The following AGBL4 variants were observed in gnomAD, a reference collection of about 807,000 sequenced individuals.
The protein encoded by AGBL4 is AGBL carboxypeptidase 4.
AGBL4 carries 58 observed loss-of-function variants against 66.4 expected under a neutral mutation model. The ratio of observed to expected loss-of-function variants is 0.87; its 90% CI spans 0.71 to 1.09. The LOEUF (loss-of-function observed/expected upper bound fraction) is 1.09. Among genes scored for constraint, AGBL4 ranks in the 50% least tolerant of loss-of-function variants. The probability of loss-of-function intolerance (pLI) is 0.00; values close to 1 mark genes in which losing one functional copy is unlikely to be tolerated. For missense variants in AGBL4, 579 were observed against 631.0 expected (o/e 0.92, Z 0.88); for synonymous variants, 234 against 222.9 (o/e 1.05, Z -0.44).
At chr1:48,739,716 G>A (rs1448918628) in intron 6 of AGBL4, among the ~76,000 whole-genome samples, 1 of 152,210 alleles carries the variant, frequency 6.6e-6, no homozygotes, top group Non-Finnish European at 1.5e-5. Context: ...TGTGTAAAGT[G>A]TCAGGAGGAC....
chr1:49,488,947 T>C (rs184025486), intron 3 of AGBL4, among the ~76,000 whole-genome samples: 22 of 152,108 alleles, frequency 1.4e-4, no homozygotes, highest in Admixed American at 1.2e-3. Flanking sequence ...GATGGATGCA[T>C]ATGTTGCTTC....
At chr1:49,808,118 A>G (rs1010694957) in intron 2 of AGBL4, among the ~76,000 whole-genome samples, 2 of 152,208 alleles carry the variant, frequency 1.3e-5, no homozygotes, top group Admixed American at 1.3e-4. Flanking sequence ...ACCCTCAGAT[A>G]AGAACAGAAA....
chr1:49,533,251 C>T (rs1420753289), intron 3 of AGBL4, among the ~76,000 whole-genome samples: 2 of 152,124 alleles, frequency 1.3e-5, no homozygotes. Flanking sequence ...AATCTGGGTC[C>T]TGGACTTCCA....
At chr1:49,744,654 A>G (rs1254987180) in intron 2 of AGBL4, among the ~76,000 whole-genome samples, 3 of 152,140 alleles carry the variant, frequency 2.0e-5, no homozygotes, top group African/African-American at 4.8e-5. Flanking sequence ...ATATGAAAAA[A>G]GTATAAACCT....
chr1:49,354,816 T>C (rs1390124073), intron 3 of AGBL4, among the ~76,000 whole-genome samples: 1 of 152,190 alleles, frequency 6.6e-6, no homozygotes, highest in Non-Finnish European at 1.5e-5. Context: ...AAATATGAAC[T>C]ATACAAGCAT....
chr1:48,938,539 G>A (rs946006227), intron 5 of AGBL4, among the ~76,000 whole-genome samples: 1 of 152,192 alleles, frequency 6.6e-6, no homozygotes, highest in Non-Finnish European at 1.5e-5. Flanking sequence ...AGTCAGCAAA[G>A]AGAAGAGATA....
chr1:49,663,675 AGC>A (rs778239492), intron 3 of AGBL4, among the ~76,000 whole-genome samples: 6 of 152,144 alleles, frequency 3.9e-5, no homozygotes, highest in Non-Finnish European at 5.9e-5. Flanking sequence ...ATAAATGAGA[AGC>A]CACTACAATA....
chr1:48,732,970 G>A (rs1466424983), intron 6 of AGBL4, among the ~76,000 whole-genome samples: 2 of 152,222 alleles, frequency 1.3e-5, no homozygotes, highest in African/African-American at 4.8e-5. Context: ...CAGTGCCAGT[G>A]AGACTGTGAG....
chr1:49,428,559 T>A (rs1003565229), intron 3 of AGBL4, among the ~76,000 whole-genome samples: 1 of 152,254 alleles, frequency 6.6e-6, no homozygotes, highest in Non-Finnish European at 1.5e-5. Flanking sequence ...GTGACTCTCC[T>A]GCCTGGAGTT....
chr1:49,771,896 A>G (rs1644069828), intron 2 of AGBL4, among the ~76,000 whole-genome samples: 1 of 152,052 alleles, frequency 6.6e-6, no homozygotes, highest in Non-Finnish European at 1.5e-5. Flanking sequence ...TTATAGCAAC[A>G]TATAGTTGGA....
intron 6 of AGBL4, among the ~76,000 whole-genome samples, chr1:48,789,951 A>C (rs2148728610): frequency 6.6e-6 from 1 of 152,302 alleles, no homozygotes; most frequent in Non-Finnish European, 1.5e-5. Flanking sequence ...ATAAACAACG[A>C]GGTATATTTT....
chr1:48,911,649 C>T (rs1653121036), intron 5 of AGBL4, among the ~76,000 whole-genome samples: 2 of 151,284 alleles, frequency 1.3e-5, no homozygotes, highest in African/African-American at 2.4e-5. Flanking sequence ...ATCATAAGGA[C>T]CAACTTATAG....
At chr1:48,677,282 C>G (rs887932753) in intron 6 of AGBL4, among the ~76,000 whole-genome samples, 13 of 152,206 alleles carry the variant, frequency 8.5e-5, no homozygotes, top group Non-Finnish European at 1.6e-4. Flanking sequence ...CACAAAGCTT[C>G]CTGCAAGTAG....
At chr1:48,846,366 A>AAAG (rs779247530) in intron 6 of AGBL4, among the ~76,000 whole-genome samples, 5 of 64,102 alleles carry the variant, frequency 7.8e-5, no homozygotes, top group Non-Finnish European at 1.1e-4. Flanking sequence ...AAGAAAGAAG[A>AAAG]AAGAAAGAAA....
At chr1:48,914,140 G>A (rs1578844) in intron 5 of AGBL4, among the ~76,000 whole-genome samples, 14,266 of 152,260 alleles carry the variant, frequency 0.094, 762 homozygotes, top group Non-Finnish European at 0.11. Context: ...TGGAGAACGA[G>A]AAGAGAAGGC....
At chr1:48,807,297 T>C (rs1645947747) in intron 6 of AGBL4, among the ~76,000 whole-genome samples, 1 of 152,246 alleles carries the variant, frequency 6.6e-6, no homozygotes, top group Non-Finnish European at 1.5e-5. Flanking sequence ...GTTGGTTACA[T>C]GAATGCATTT....
intron 1 of AGBL4, among the ~76,000 whole-genome samples, chr1:49,950,838 T>C (rs1656092701): frequency 6.6e-6 from 1 of 151,772 alleles, no homozygotes; most frequent in African/African-American, 2.4e-5. Context: ...AACCCAAGTG[T>C]CAATTGATAA....
chr1:48,747,323 C>A (rs1177370946), intron 6 of AGBL4, among the ~76,000 whole-genome samples: 2 of 152,026 alleles, frequency 1.3e-5, no homozygotes, highest in Non-Finnish European at 2.9e-5. Context: ...GAAAATATAC[C>A]TTCCATGGAA....
Position 48,654,987 on chromosome 1 carries a change from C to T in AGBL4, c.725-1536G>A, listed in dbSNP as rs1447371976. Among the ~76,000 whole-genome samples, 5 of 152,336 alleles carry T rather than the reference C, an allele frequency of 3.3e-5. No individual in the cohort carries two copies. In the East Asian group the frequency reaches 5.8e-4, roughly 18 times the overall value. ...CTGTCCAGTAATTGACCCCAGCTCC[C>T]GGGGCGGCCCTCCATCAAGGAGCCA... On this transcript the variant is annotated intron_variant, in intron 7 of 13. Transcript: ENST00000371839.
Sources: gnomAD v4.1 joint callset for allele counts (sites outside exome capture counted in the v4.1 genomes callset) on GRCh38, gnomAD v4.1.1 for gene constraint, MANE v1.5 for transcripts, NCBI Gene and HGNC (gene_info 2026-07-23, HGNC 2026-07-21) for gene names.